The following PRKG1 variants were observed in gnomAD, a reference collection of about 807,000 sequenced individuals.
The protein encoded by PRKG1 is cGMP-dependent protein kinase 1.
PRKG1 carries 35 observed loss-of-function variants against 88.1 expected under a neutral mutation model. That is an observed-to-expected ratio of 0.40 (90% confidence interval 0.30 to 0.53). The LOEUF is 0.53. Among genes scored for constraint, PRKG1 ranks in the 20% least tolerant of loss-of-function variants. PRKG1 has a pLI of 0.59. For synonymous variants in PRKG1, 303 were observed against 292.5 expected, an observed-to-expected ratio of 1.04 and a Z score of -0.37; for missense variants, 540 against 839.8, an observed-to-expected ratio of 0.64 and a Z score of 4.41.
At chr10:51,536,651 TTTA>T (rs1311020669) in intron 3 of PRKG1, among the ~76,000 whole-genome samples, 4 of 152,042 alleles carry the variant, frequency 2.6e-5, no homozygotes, top group Middle Eastern at 3.4e-3. Context: ...TTTCTTTTTT[TTTA>T]TTATTATTAT....
intron 3 of PRKG1, among the ~76,000 whole-genome samples, chr10:51,596,791 G>C (rs1045353216): frequency 1.3e-5 from 2 of 152,152 alleles, no homozygotes; most frequent in African/African-American, 4.8e-5. Flanking sequence ...AACACTACCA[G>C]TTATTTTTTT....
At chr10:51,990,907 T>C (rs569985535) in intron 5 of PRKG1, among the ~76,000 whole-genome samples, 123 of 152,314 alleles carry the variant, frequency 8.1e-4, no homozygotes, top group African/African-American at 2.1e-3. Context: ...ATTCTTTTTA[T>C]AGCTGCATAG....
intron 2 of PRKG1, among the ~76,000 whole-genome samples, chr10:51,407,078 A>G (rs895250571): frequency 6.6e-6 from 1 of 152,164 alleles, no homozygotes; most frequent in African/African-American, 2.4e-5. Context: ...AGCTGATTAA[A>G]TGATGCCCAC....
chr10:51,747,594 C>T (rs1033110676), intron 3 of PRKG1, among the ~76,000 whole-genome samples: 1 of 152,190 alleles, frequency 6.6e-6, no homozygotes, highest in Non-Finnish European at 1.5e-5. Flanking sequence ...CAATAGATTA[C>T]TGACACCAGG....
chr10:51,687,728 T>C (rs1841029386), intron 3 of PRKG1, among the ~76,000 whole-genome samples: 1 of 152,218 alleles, frequency 6.6e-6, no homozygotes, highest in Non-Finnish European at 1.5e-5. Flanking sequence ...CAATTTTTGG[T>C]GTGCCATGTT....
chr10:51,944,931 G>C (rs1165511667), intron 5 of PRKG1, among the ~76,000 whole-genome samples: 1 of 151,702 alleles, frequency 6.6e-6, no homozygotes, highest in Non-Finnish European at 1.5e-5. Flanking sequence ...TGTATATTCT[G>C]TTGATTTGGG....
At chr10:51,203,074 G>T (rs1270802967) in intron 2 of PRKG1, among the ~76,000 whole-genome samples, 4 of 152,054 alleles carry the variant, frequency 2.6e-5, no homozygotes, top group Non-Finnish European at 5.9e-5. Flanking sequence ...ATAAGACTTG[G>T]CAAGTTATTG....
intron 5 of PRKG1, among the ~76,000 whole-genome samples, chr10:52,008,315 C>T (rs1844791251): frequency 6.6e-6 from 1 of 151,830 alleles, no homozygotes; most frequent in Non-Finnish European, 1.5e-5. Flanking sequence ...TGTAAAACCA[C>T]ATAATACATC....
At chr10:51,209,554 A>C (rs566869690) in intron 2 of PRKG1, among the ~76,000 whole-genome samples, 1 of 152,324 alleles carries the variant, frequency 6.6e-6, no homozygotes, top group East Asian at 1.9e-4. Flanking sequence ...TACTAACATG[A>C]TTGACAATAA....
At chr10:51,500,238 C>T (rs556151949) in intron 3 of PRKG1, among the ~76,000 whole-genome samples, 2 of 152,246 alleles carry the variant, frequency 1.3e-5, no homozygotes, top group East Asian at 1.9e-4. Context: ...GAATGAAGAT[C>T]GACATTTCTG....
intron 3 of PRKG1, among the ~76,000 whole-genome samples, chr10:51,706,630 A>G (rs1841611070): frequency 6.6e-6 from 1 of 152,192 alleles, no homozygotes; most frequent in Non-Finnish European, 1.5e-5. Flanking sequence ...TTAGATATTC[A>G]GATTTTTCTC....
At chr10:51,083,041 T>A (rs4935010) in intron 1 of PRKG1, among the ~76,000 whole-genome samples, 82,021 of 151,678 alleles carry the variant, frequency 0.54, 23,480 homozygotes, top group East Asian at 0.8. Flanking sequence ...ACAGACTACT[T>A]GAATTCCTAT....
chr10:51,306,901 A>G (rs1036282127), intron 2 of PRKG1, among the ~76,000 whole-genome samples: 6 of 152,148 alleles, frequency 3.9e-5, no homozygotes, highest in African/African-American at 1.4e-4. Flanking sequence ...GAAAGTTCAA[A>G]GGGATTTGTT....
intron 3 of PRKG1, among the ~76,000 whole-genome samples, chr10:51,753,967 T>C (rs2132514139): frequency 6.6e-6 from 1 of 152,266 alleles, no homozygotes; most frequent in East Asian, 1.9e-4. Context: ...TTTTGTATTT[T>C]TGTTTTCAGG....
chr10:50,995,280 G>T (rs572077800), intron 1 of PRKG1, among the ~76,000 whole-genome samples: 84 of 151,978 alleles, frequency 5.5e-4, no homozygotes, highest in Admixed American at 1.1e-3. Context: ...GTCCACAGAG[G>T]GTATAATGCA....
intron 5 of PRKG1, among the ~76,000 whole-genome samples, chr10:51,998,132 C>T (rs896262121): frequency 1.3e-5 from 2 of 152,148 alleles, no homozygotes; most frequent in African/African-American, 4.8e-5. Context: ...TATCCGGACT[C>T]TTGATCTACA....
intron 2 of PRKG1, among the ~76,000 whole-genome samples, chr10:51,421,171 T>TGTTC (rs1482739412): frequency 9.9e-5 from 15 of 151,854 alleles, no homozygotes; most frequent in African/African-American, 3.6e-4. Context: ...CTTGTTTGTT[T>TGTTC]GTTTGTTTGT....
intron 4 of PRKG1, among the ~76,000 whole-genome samples, chr10:51,863,370 A>G (rs1481720080): frequency 6.6e-6 from 1 of 152,138 alleles, no homozygotes; most frequent in Non-Finnish European, 1.5e-5. Context: ...TCACTTGTTG[A>G]TGGTCTTTGT....
In PRKG1 at chr10:51,867,297, A is replaced by C. The variant is rs114966353; in HGVS notation, c.699-40210A>C. ...TAGTGCATGAAGGACCTTATGTTCC[A>C]TGCTAAATAATTGGGTTTTATTTAA... On this transcript the variant is annotated intron_variant, in intron 4 of 17. Transcript: ENST00000373980. Among the ~76,000 whole-genome samples the C allele has an allele frequency of 6.9e-3, 1,058 of 152,302 alleles. 15 individuals carry two copies. The highest frequency in any genetic ancestry group is 0.024 in the African/African-American group (1,000 of 41,572).
Sources: gnomAD v4.1 joint callset for allele counts (sites outside exome capture counted in the v4.1 genomes callset) on GRCh38, gnomAD v4.1.1 for gene constraint, MANE v1.5 for transcripts, NCBI Gene and HGNC (gene_info 2026-07-23, HGNC 2026-07-21) for gene names.